MSH3: variants seen among roughly 807,000 people sequenced by gnomAD.
MSH3 encodes DNA mismatch repair protein Msh3.
In MSH3, 106 loss-of-function variants were observed where a neutral mutation model predicts 123.3. The observed-to-expected ratio is 0.86, with a 90% CI of 0.73 to 1.01. The LOEUF is 1.01. Ranked by LOEUF, MSH3 falls within the 50% of genes least tolerant of loss-of-function variation. MSH3 has a pLI of 0.00. For synonymous variants in MSH3, 515 were observed against 481.4 expected (o/e 1.07, Z -0.91); for missense variants, 1,459 against 1,347.6 (o/e 1.08, Z -1.29).
intron 8 of MSH3, among the ~76,000 whole-genome samples, chr5:80,713,570 CCT>C (rs1235244871): frequency 1.3e-5 from 2 of 152,128 alleles, no homozygotes; most frequent in Non-Finnish European, 2.9e-5. Context: ...GCACAAATAG[CCT>C]CTGTAGCGGT....
At chr5:80,684,151 A>G (rs575018452) in intron 8 of MSH3, among the ~76,000 whole-genome samples, 1 of 152,008 alleles carries the variant, frequency 6.6e-6, no homozygotes, top group Non-Finnish European at 1.5e-5. Flanking sequence ...TGCTTAGGAT[A>G]TATTTGGCTA....
chr5:80,830,331 A>C (rs1745395922), intron 20 of MSH3, among the ~76,000 whole-genome samples: 1 of 152,138 alleles, frequency 6.6e-6, no homozygotes, highest in South Asian at 2.1e-4. Flanking sequence ...AAGAATCTCT[A>C]CAAGTGACTC....
intron 12 of MSH3, among the ~76,000 whole-genome samples, chr5:80,749,193 A>G (rs1743782822): frequency 6.6e-6 from 1 of 152,300 alleles, no homozygotes; most frequent in Admixed American, 6.5e-5. Flanking sequence ...CTGCACGCTG[A>G]GGGGCAAGGA....
At chr5:80,844,580 C>T (rs559763600) in intron 20 of MSH3, among the ~76,000 whole-genome samples, 1 of 152,278 alleles carries the variant, frequency 6.6e-6, no homozygotes, top group South Asian at 2.1e-4. Flanking sequence ...AATCTGGATG[C>T]TCCTGTATTG....
intron 19 of MSH3, among the ~76,000 whole-genome samples, chr5:80,799,853 A>G (rs577869848): frequency 3.9e-5 from 6 of 152,324 alleles, no homozygotes; most frequent in East Asian, 3.9e-4. Flanking sequence ...ATCCAGTAAT[A>G]TTAGTATTAC....
Position 80,654,895 on chromosome 5 carries a change from GGCC to G in MSH3, c.171_173del (p.Ala62del), listed in dbSNP as rs1561428796. On this transcript the variant is annotated inframe_deletion, in exon 1 of 24. Transcript: ENST00000265081. ...ACCCTGGCGCTGCAGCGGCTGCAGC[GGCC>G]GCAGCGGCCGCAGCGCCCCCAGCGC... The G allele has an allele frequency of 1.2e-6, 1 of 819,914 alleles. No homozygotes were observed. The highest frequency in any genetic ancestry group is 1.7e-6 in the Non-Finnish European group (1 of 599,948). 50.8% of individuals were successfully genotyped at this position (819,914 alleles called of 1,614,324 possible).
At chr5:80,782,149 CAT>C (rs201565439) in intron 17 of MSH3, among the ~76,000 whole-genome samples, 5 of 152,044 alleles carry the variant, frequency 3.3e-5, no homozygotes, top group African/African-American at 9.6e-5. Flanking sequence ...AACATACATA[CAT>C]ATATATATGT....
chr5:80,774,645 T>G (rs1332395088), intron 15 of MSH3, among the ~76,000 whole-genome samples: 2 of 152,124 alleles, frequency 1.3e-5, no homozygotes, highest in Admixed American at 1.3e-4. Flanking sequence ...AAGAATGAGA[T>G]CCTGTAATTT....
chr5:80,689,788 A>G, intron 8 of MSH3, among the ~76,000 whole-genome samples: 1 of 150,564 alleles, frequency 6.6e-6, no homozygotes, highest in East Asian at 2.0e-4. Context: ...CAAAGTTGAG[A>G]GTAAGGTACA....
chr5:80,729,445 T>G (rs1743369606), intron 10 of MSH3, among the ~76,000 whole-genome samples: 5 of 126,162 alleles, frequency 4.0e-5, no homozygotes, highest in South Asian at 3.1e-4. Flanking sequence ...TGTGTGTGTG[T>G]GTGTGTGTGT....
In MSH3 at chr5:80,836,019, T is replaced by C. The variant is rs760545698; in HGVS notation, c.2814-18111T>C. Among the ~76,000 whole-genome samples the C allele has an allele frequency of 2.6e-4, 39 of 152,230 alleles. 1 individual carries two copies. The highest frequency in any genetic ancestry group is 9.8e-4 in the Admixed American group (15 of 15,278). ...AGCTTTCCATGAAAACACCAAAAAG[T>C]ACTTTTTGATATCTTATTAAAAATT... On this transcript the variant is annotated intron_variant, in intron 20 of 23. Coordinates refer to ENST00000265081, the MANE Select transcript of MSH3 (RefSeq NM_002439.5).
At chr5:80,728,728 T>C (rs1743346853) in intron 9 of MSH3, 123 bp from the exon 10 acceptor site, 1 of 617,220 alleles carries the variant, frequency 1.6e-6, no homozygotes, top group African/African-American at 1.8e-5. Context: ...TTGGTAACCA[T>C]TAAGTTTTAC....
At chr5:80,836,498 C>T (rs1172974836) in intron 20 of MSH3, among the ~76,000 whole-genome samples, 1 of 129,978 alleles carries the variant, frequency 7.7e-6, no homozygotes, top group Non-Finnish European at 1.6e-5. Context: ...CATGAGAACA[C>T]ACAGAGGAAT....
chr5:80,654,905 G>C lies in MSH3; in HGVS notation c.178G>C (p.Ala60Pro), dbSNP rs2001675. The change falls in exon 1 of 24, where the codon GCC becomes CCC. Residue 60 changes from alanine to proline, a missense_variant. Ala to Pro is a conservative substitution (Grantham distance 27). Coordinates refer to ENST00000265081, the MANE Select transcript of MSH3 (RefSeq NM_002439.5). ...TGCAGCGGCTGCAGCGGCCGCAGCG[G>C]CCGCAGCGCCCCCAGCGCCCCCAGC... ...GAAAAAAAAA[A>P]AAPPAPPAPA... 13,880 of 1,494,034 alleles carry C rather than the reference G, an allele frequency of 9.3e-3. 148 individuals are homozygous for C. Among genetic ancestry groups the C allele is most frequent in the Middle Eastern group, 0.015 (83 of 5,646 alleles). The allele number at this position is 1,494,034 out of a possible 1,614,324, so 92.5% of individuals were successfully genotyped here. A position where few individuals can be genotyped will look rare whatever the true frequency, so the allele number is the denominator to read the frequency against.
At chr5:80,805,593 C>CTTTTTT (rs34689496) in intron 19 of MSH3, among the ~76,000 whole-genome samples, 1 of 104,498 alleles carries the variant, frequency 9.6e-6, no homozygotes, top group Non-Finnish European at 1.9e-5. Context: ...CCCCCCCTAC[C>CTTTTTT]TTTTTTTTTT....
chr5:80,670,155 T>G lies in MSH3; in HGVS notation c.638T>G (p.Leu213Ter). 6.2e-7 allele frequency: 1 copy of G among 1,614,182 alleles called. No homozygotes were observed. Among genetic ancestry groups the G allele is most frequent in the Admixed American group, 1.7e-5 (1 of 60,026 alleles). ...FGSSNTSHEN[L>*]QKTASKSANK... Reference sequence around the variant, plus strand: ...TCATCAAATACAAGTCATGAAAATTTACAGAAAACTGCTTCCAAATCAGCT... The same window carrying G: ...TCATCAAATACAAGTCATGAAAATTGACAGAAAACTGCTTCCAAATCAGCT... The change falls in exon 4 of 24, where the codon TTA becomes TGA. Residue 213 changes from leucine (L) to a stop codon, truncating the protein, a stop_gained. Coordinates refer to ENST00000265081, the MANE Select transcript of MSH3 (RefSeq NM_002439.5). LOFTEE classifies it high-confidence loss of function.
chr5:80,676,698 T>C (rs1376894307), intron 7 of MSH3, among the ~76,000 whole-genome samples: 8 of 152,220 alleles, frequency 5.3e-5, no homozygotes, highest in Middle Eastern at 3.2e-3. Context: ...CTAAATGATA[T>C]TTTTATCCTT....
intron 7 of MSH3, among the ~76,000 whole-genome samples, chr5:80,676,911 C>T (rs951663505): frequency 1.1e-4 from 16 of 152,168 alleles, no homozygotes; most frequent in African/African-American, 2.9e-4. Context: ...ACCATGTGTG[C>T]GAACTGGGAC....
chr5:80,735,382 A>C (rs1334225422), intron 10 of MSH3, among the ~76,000 whole-genome samples: 1 of 8,454 alleles, frequency 1.2e-4, no homozygotes, highest in Admixed American at 1.8e-3. Context: ...ACTTCATCTC[A>C]AAAAAAAAAA....
Sources: allele counts gnomAD v4.1 joint callset (sites outside exome capture counted in the v4.1 genomes callset), GRCh38; gene constraint gnomAD v4.1.1; transcripts MANE v1.5; gene names NCBI Gene and HGNC (gene_info 2026-07-23, HGNC 2026-07-21).